KANSL1: variants seen among roughly 807,000 people sequenced by gnomAD.
The protein encoded by KANSL1 is KAT8 regulatory NSL complex subunit 1.
Under a neutral mutation model 103.6 loss-of-function variants are expected in KANSL1, and 22 were observed. The ratio of observed to expected loss-of-function variants is 0.21; its 90% CI spans 0.15 to 0.30. The LOEUF (loss-of-function observed/expected upper bound fraction) is 0.30, where lower values mean the gene tolerates loss of function less well. Among genes scored for constraint, KANSL1 ranks in the 10% least tolerant of loss-of-function variants. The pLI is 1.00. For missense variants in KANSL1, 1,337 were observed against 1,399.8 expected (o/e 0.96, Z 0.72); for synonymous variants, 600 against 527.6 (o/e 1.14, Z -1.88).
chr17:46,047,069 CCTGA>C (rs1555736977), intron 7 of KANSL1, among the ~76,000 whole-genome samples: 1 of 152,160 alleles, frequency 6.6e-6, no homozygotes, highest in Non-Finnish European at 1.5e-5. Context: ...TCCACCAGCT[CCTGA>C]CTATCCATGT....
chr17:46,168,135 T>G (rs2046096766), intron 2 of KANSL1, among the ~76,000 whole-genome samples: 1 of 152,242 alleles, frequency 6.6e-6, no homozygotes, highest in Non-Finnish European at 1.5e-5. Context: ...AGGATTCATT[T>G]CTCAGCATCA....
At chr17:46,110,561 AC>A (rs369180097) in intron 2 of KANSL1, among the ~76,000 whole-genome samples, 9 of 152,376 alleles carry the variant, frequency 5.9e-5, no homozygotes, top group African/African-American at 2.2e-4. Flanking sequence ...GTTGGAATAT[AC>A]AAATTTACAA....
intron 2 of KANSL1, among the ~76,000 whole-genome samples, chr17:46,136,898 CAA>C (rs1257391862): frequency 6.6e-6 from 1 of 152,128 alleles, no homozygotes; most frequent in East Asian, 1.9e-4. Flanking sequence ...AAAAACAAAA[CAA>C]AATGTTCATG....
chr17:46,200,065 A>ACACACC (rs760204883), intron 1 of KANSL1, among the ~76,000 whole-genome samples: 8 of 151,190 alleles, frequency 5.3e-5, no homozygotes, highest in Admixed American at 2.0e-4. Context: ...ACACACACAC[A>ACACACC]CCCTGATTAT....
At chr17:46,183,267 C>T (rs2046870427) in intron 1 of KANSL1, among the ~76,000 whole-genome samples, 1 of 150,734 alleles carries the variant, frequency 6.6e-6, no homozygotes, top group Middle Eastern at 3.4e-3. Flanking sequence ...GCCACCCAAA[C>T]AAAAACACTA....
At chr17:46,163,998 T>G (rs192713452) in intron 2 of KANSL1, among the ~76,000 whole-genome samples, 1 of 152,258 alleles carries the variant, frequency 6.6e-6, no homozygotes, top group African/African-American at 2.4e-5. Flanking sequence ...TCAAGGTTCA[T>G]TTCTAACATC....
At chr17:46,125,177 G>C (rs981810741) in intron 2 of KANSL1, among the ~76,000 whole-genome samples, 1 of 151,984 alleles carries the variant, frequency 6.6e-6, no homozygotes, top group Non-Finnish European at 1.5e-5. Flanking sequence ...TGGCTAGTCA[G>C]CAGCCATCAA....
intron 6 of KANSL1, among the ~76,000 whole-genome samples, chr17:46,058,996 A>C (rs2078046059): frequency 1.3e-5 from 2 of 151,440 alleles, no homozygotes; most frequent in Non-Finnish European, 2.9e-5. Flanking sequence ...TCAGTGAGCC[A>C]AGGATGTGCC....
intron 7 of KANSL1, chr17:46,049,796 G>T (rs555910890): frequency 1.3e-5 from 2 of 151,994 alleles, no homozygotes; most frequent in African/African-American, 4.8e-5. Context: ...AGCTAACAAC[G>T]AAGATTTGTG....
intron 1 of KANSL1, among the ~76,000 whole-genome samples, chr17:46,180,865 A>G (rs740707): frequency 0.14 from 21,953 of 152,158 alleles, 2,137 homozygotes; most frequent in Non-Finnish European, 0.22. Flanking sequence ...ATATATATAT[A>G]CACACACATA....
At chr17:46,081,955 T>C (rs961366145) in intron 4 of KANSL1, among the ~76,000 whole-genome samples, 5 of 152,156 alleles carry the variant, frequency 3.3e-5, no homozygotes, top group Admixed American at 6.5e-5. Context: ...AGAGAAGGAA[T>C]CACAGTAGAG....
chr17:46,096,260 G>C (rs891912486), intron 2 of KANSL1, among the ~76,000 whole-genome samples: 1 of 144,522 alleles, frequency 6.9e-6, no homozygotes, highest in African/African-American at 2.6e-5. Context: ...TCCCACCTCA[G>C]TCTCCCAAGC....
upstream of KANSL1, among the ~76,000 whole-genome samples, chr17:46,197,323 A>G (rs1425229670): frequency 6.6e-6 from 1 of 152,030 alleles, no homozygotes; most frequent in Admixed American, 6.6e-5. Flanking sequence ...CCACCACACC[A>G]CTGTTATCGT....
intron 2 of KANSL1, among the ~76,000 whole-genome samples, chr17:46,115,965 C>T (rs1036362269): frequency 6.6e-6 from 1 of 152,170 alleles, no homozygotes; most frequent in Admixed American, 6.5e-5. Context: ...TTGGAAACTA[C>T]GGTGGAAACG....
At chr17:46,155,155 A>ATTTTT (rs33974360) in intron 2 of KANSL1, among the ~76,000 whole-genome samples, 60 of 103,790 alleles carry the variant, frequency 5.8e-4, no homozygotes, top group Middle Eastern at 5.2e-3. Flanking sequence ...TCAGCCAGGG[A>ATTTTT]TTTTTTTTTT....
chr17:46,175,218 G>C (rs968634988), intron 1 of KANSL1, among the ~76,000 whole-genome samples: 1 of 151,966 alleles, frequency 6.6e-6, no homozygotes, highest in Non-Finnish European at 1.5e-5. Flanking sequence ...ATGACAATTT[G>C]AATCATTAAC....
chr17:46,124,113 C>T (rs750553428), intron 2 of KANSL1, among the ~76,000 whole-genome samples: 4 of 152,186 alleles, frequency 2.6e-5, no homozygotes, highest in Admixed American at 2.6e-4. Flanking sequence ...AATTACACTA[C>T]ATCAGCCAGG....
intron 6 of KANSL1, among the ~76,000 whole-genome samples, chr17:46,056,324 C>T (rs943917082): frequency 5.3e-5 from 8 of 151,708 alleles, no homozygotes; most frequent in South Asian, 4.2e-4. Flanking sequence ...AATATAAAAA[C>T]AAATATTATA....
intron 3 of KANSL1, chr17:46,088,658 G>C (rs896937531): frequency 6.6e-6 from 1 of 152,552 alleles, no homozygotes; most frequent in Non-Finnish European, 1.5e-5. Context: ...AGGATCACTT[G>C]AGGTCAAGAG....
Sources: gnomAD v4.1 joint callset for allele counts (sites outside exome capture counted in the v4.1 genomes callset) on GRCh38, gnomAD v4.1.1 for gene constraint, MANE v1.5 for transcripts, NCBI Gene and HGNC (gene_info 2026-07-23, HGNC 2026-07-21) for gene names.